Variants in KLK2 observed in about 807,000 individuals in gnomAD.
KLK2 encodes kallikrein-2.
A neutral mutation model predicts 23.0 loss-of-function variants in KLK2; 17 were observed. That is an observed-to-expected ratio of 0.74 (90% CI 0.51 to 1.11). The LOEUF is 1.11. Ranked by LOEUF, KLK2 falls within the 50% of genes least tolerant of loss-of-function variation. The pLI is 0.00. For missense variants in KLK2, 330 were observed against 325.9 expected (o/e 1.01, Z -0.10); for synonymous variants, 140 against 124.7 (o/e 1.12, Z -0.82).
rs753604124 is a variant in KLK2 at position 50,876,583 on chromosome 19, G to A, written c.318G>A (p.Leu106=). The A allele has an allele frequency of 1.2e-6, 2 of 1,614,196 alleles. No individual in the cohort carries two copies. Among genetic ancestry groups the A allele is most frequent in the South Asian group, 2.2e-5 (2 of 91,082 alleles). ...FPHPLYNMSL[L]KHQSLRPDED... The stretch of plus-strand genomic sequence containing the variant: ...ACCCGCTCTACAATATGAGCCTTCT[G>A]AAGCATCAAAGCCTTAGACCAGATG... Residue 106 remains leucine, a synonymous_variant, in exon 3 of 5, where the codon CTG becomes CTA. Coordinates refer to ENST00000325321, the MANE Select transcript of KLK2 (RefSeq NM_005551.5).
At chr19:50,876,170 T>C (rs2068846940) in intron 2 of KLK2, 1 of 422,368 alleles carries the variant, frequency 2.4e-6, no homozygotes, top group African/African-American at 2.0e-5. Flanking sequence ...TCTTGCTGTC[T>C]CTGTCTCTTC....
rs1404628336 is a variant in KLK2 at position 50,877,177 on chromosome 19, C to T, written c.630+169C>T. On this transcript the variant is annotated intron_variant, in intron 4 of 4. Coordinates refer to ENST00000325321, the MANE Select transcript of KLK2 (RefSeq NM_005551.5). Reference sequence around the variant, plus strand: ...CCCTCCTTCCCCCTTCCCTGACTCCCTCAACACAAGAGGTGATTCTCACAG... The same window carrying T: ...CCCTCCTTCCCCCTTCCCTGACTCCTTCAACACAAGAGGTGATTCTCACAG... 7.7e-6 allele frequency: 6 copies of T among 774,656 alleles called. No individual in the cohort carries two copies. In the East Asian group the frequency reaches 1.3e-4, roughly 17 times the overall value. The allele number at this position is 774,656 out of a possible 1,614,324, so 48.0% of individuals were successfully genotyped here.
In KLK2 at chr19:50,876,908, A is replaced by G; in HGVS notation, c.530A>G (p.His177Arg). ...AGGAGTCTTCAGTGTGTGAGCCTCCATCTCCTGTCCAATGACATGTGTGCT... is the reference window on the plus strand; with the variant it reads ...AGGAGTCTTCAGTGTGTGAGCCTCCGTCTCCTGTCCAATGACATGTGTGCT... ...RPRSLQCVSL[H>R]LLSNDMCARA... Residue 177 changes from histidine to arginine, a missense_variant, in exon 4 of 5, where the codon CAT (histidine) becomes CGT (arginine). Transcript: ENST00000325321. The G allele has an allele frequency of 3.7e-6, 6 of 1,614,162 alleles. No homozygotes were observed. Among genetic ancestry groups the G allele is most frequent in the Non-Finnish European group, 5.1e-6 (6 of 1,180,010 alleles).
At chr19:50,874,630 G>A in intron 1 of KLK2, 91 bp from the exon 2 acceptor site, 1 of 1,066,902 alleles carries the variant, frequency 9.4e-7, no homozygotes, top group Non-Finnish European at 1.4e-6. Context: ...CTGGTCCTCT[G>A]CCCCCATGTC....
intron 2 of KLK2, 100 bp from the exon 3 acceptor site, chr19:50,876,372 G>T: frequency 1.8e-6 from 2 of 1,094,210 alleles, no homozygotes; most frequent in Non-Finnish European, 1.3e-6. Flanking sequence ...TTTTCTCACT[G>T]TTTCTTTTTC....
At chr19:50,877,164 C>G (rs563623728) in intron 4 of KLK2, 156 bp downstream of exon 4, 3 of 846,688 alleles carry the variant, frequency 3.5e-6, no homozygotes, top group African/African-American at 3.4e-5. Context: ...CTCCTTCCCC[C>G]TTCCCTGACT....
chr19:50,875,786 A>G (rs111859906), intron 2 of KLK2: 1,878 of 154,174 alleles, frequency 0.012, 44 homozygotes, highest in East Asian at 0.081. Context: ...GTGACAGAGC[A>G]AGACTCCATC....
chr19:50,876,455 A>ACC lies in KLK2; in HGVS notation c.207-13_207-12dup, dbSNP rs1251459470. On this transcript the variant is annotated splice_polypyrimidine_tract_variant and intron_variant, in intron 2 of 4. Transcript: ENST00000325321. ...CCATTTTCTCTCTCCTCATGCATCC[A>ACC]CCCCCTTCCTCCCCAGGAATAGCCA... 1 of 1,608,428 alleles carries ACC rather than the reference A, an allele frequency of 6.2e-7. No individual in the cohort carries two copies. The highest frequency in any genetic ancestry group is 2.2e-5 in the East Asian group (1 of 44,704).
At position 50,877,020 on chromosome 19, in the gene KLK2, C is replaced by G; in HGVS notation, c.630+12C>G. ...AAGACACTTGTGGGGTGAGTCATCC[C>G]TACTCCCAACATCTGGAGGGGAAAG... is the stretch of plus-strand genomic sequence containing the variant. On this transcript the variant is annotated intron_variant, in intron 4 of 4. Coordinates refer to ENST00000325321, the MANE Select transcript of KLK2 (RefSeq NM_005551.5). The G allele has an allele frequency of 1.9e-6, 3 of 1,614,088 alleles. No homozygotes were observed. Among genetic ancestry groups the G allele is most frequent in the Non-Finnish European group, 2.5e-6 (3 of 1,179,978 alleles).
At chr19:50,878,314 C>A in intron 4 of KLK2, 90 bp from the exon 5 acceptor site, 1 of 1,270,140 alleles carries the variant, frequency 7.9e-7, no homozygotes, top group South Asian at 1.5e-5. Flanking sequence ...TGCTCTCAGT[C>A]ATCTGCCTGC....
Position 50,874,751 on chromosome 19 carries a change from T to C in KLK2, c.77T>C (p.Val26Ala). ...GAVPLIQSRI[V>A]GGWECEKHSQ... ...GTGCCCCTCATCCAGTCTCGGATTGTGGGAGGCTGGGAGTGTGAGAAGCAT... is the reference window on the plus strand; with the variant it reads ...GTGCCCCTCATCCAGTCTCGGATTGCGGGAGGCTGGGAGTGTGAGAAGCAT... Residue 26 changes from valine to alanine, a missense_variant, in exon 2 of 5, where the codon GTG becomes GCG. Transcript: ENST00000325321. 1 of 1,612,776 alleles carries C rather than the reference T, an allele frequency of 6.2e-7. No homozygotes were observed. Among genetic ancestry groups the C allele is most frequent in the South Asian group, 1.1e-5 (1 of 90,906 alleles).
intron 3 of KLK2, 38 bp downstream of exon 3, chr19:50,876,796 T>C: frequency 6.2e-7 from 1 of 1,610,332 alleles, no homozygotes; most frequent in Non-Finnish European, 8.5e-7. Context: ...GGAGCCCAGA[T>C]GCCTGGGTCT....
chr19:50,874,958 A>G (rs780536760), intron 2 of KLK2, 78 bp downstream of exon 2: 28 of 1,514,604 alleles, frequency 1.8e-5, no homozygotes, highest in Non-Finnish European at 2.5e-5. Flanking sequence ...CCCCAGGGTC[A>G]CTTCTCAGGT....
chr19:50,875,963 T>C, intron 2 of KLK2: 1 of 167,956 alleles, frequency 6.0e-6, no homozygotes. Context: ...ATGCCTCTCC[T>C]CCTCCCCCTG....
At chr19:50,873,594 C>A in intron 1 of KLK2, 75 bp downstream of exon 1, 2 of 1,082,964 alleles carry the variant, frequency 1.8e-6, no homozygotes, top group Non-Finnish European at 1.4e-6. Context: ...CCACCCAGTG[C>A]CCCAGCCTCG....
At chr19:50,873,685 C>A in intron 1 of KLK2, 166 bp downstream of exon 1, 1 of 573,006 alleles carries the variant, frequency 1.7e-6, no homozygotes, top group South Asian at 2.1e-5. Flanking sequence ...CACACTAGGT[C>A]CCCGCTCCCT....
intron 2 of KLK2, among the ~76,000 whole-genome samples, chr19:50,875,260 C>T (rs556050280): frequency 6.6e-6 from 1 of 152,314 alleles, no homozygotes; most frequent in East Asian, 1.9e-4. Flanking sequence ...GCCTGTCTTT[C>T]TCTCTGGGTC....
intron 2 of KLK2, among the ~76,000 whole-genome samples, chr19:50,875,389 T>G (rs1016473740): frequency 5.3e-5 from 8 of 152,208 alleles, no homozygotes; most frequent in African/African-American, 1.9e-4. Context: ...TGCCTGTCAT[T>G]GCACAGCACT....
At position 50,878,539 on chromosome 19, in the gene KLK2, A is replaced by T. The variant is rs1600020389; in HGVS notation, c.766A>T (p.Thr256Ser). 2 of 1,613,420 alleles carry T rather than the reference A, an allele frequency of 1.2e-6. No individual in the cohort carries two copies. Among genetic ancestry groups the T allele is most frequent in the South Asian group, 2.2e-5 (2 of 91,050 alleles). Residue 256 changes from threonine to serine, a missense_variant, in exon 5 of 5, where the codon ACC becomes TCC. Transcript: ENST00000325321. ...GCATTACCGGAAGTGGATCAAGGACACCATCGCAGCCAACCCCTGAGTGCC... is the reference window on the plus strand; with the variant it reads ...GCATTACCGGAAGTGGATCAAGGACTCCATCGCAGCCAACCCCTGAGTGCC... The part of the protein sequence containing the change: ...VVHYRKWIKD[T>S]IAANP
Sources: gnomAD v4.1 joint callset for allele counts (sites outside exome capture counted in the v4.1 genomes callset) on GRCh38, gnomAD v4.1.1 for gene constraint, MANE v1.5 for transcripts, NCBI Gene and HGNC (gene_info 2026-07-23, HGNC 2026-07-21) for gene names.